Variants in PCDH7 observed in about 807,000 individuals in gnomAD.
The protein encoded by PCDH7 is protocadherin-7.
A neutral mutation model predicts 58.9 loss-of-function variants in PCDH7; 17 were observed. That is an observed-to-expected ratio of 0.29 (90% CI 0.20 to 0.43). PCDH7 has a LOEUF of 0.43. Among genes scored for constraint, PCDH7 ranks in the 20% least tolerant of loss-of-function variants. PCDH7 has a pLI of 1.00. For synonymous variants in PCDH7, 664 were observed against 616.4 expected (o/e 1.08, Z -1.14); for missense variants, 1,274 against 1,441.0 (o/e 0.88, Z 1.88).
intron 1 of PCDH7, among the ~76,000 whole-genome samples, chr4:30,896,595 T>C (rs1356718882): frequency 6.6e-6 from 1 of 152,132 alleles, no homozygotes; most frequent in African/African-American, 2.4e-5. Context: ...GTAATTTAAC[T>C]AATTAGGTAA....
chr4:30,748,388 A>G (rs1198967879), intron 1 of PCDH7, among the ~76,000 whole-genome samples: 1 of 152,168 alleles, frequency 6.6e-6, no homozygotes, highest in Non-Finnish European at 1.5e-5. Context: ...TATTTGGCTC[A>G]CAGTTCTGGT....
chr4:31,122,607 AT>A (rs989525947), intron 3 of PCDH7, among the ~76,000 whole-genome samples: 10 of 149,744 alleles, frequency 6.7e-5, no homozygotes, highest in African/African-American at 2.0e-4. Context: ...TCTTCAAATT[AT>A]TTTTTTTTTC....
At chr4:30,775,634 A>C (rs1486377257) in intron 1 of PCDH7, among the ~76,000 whole-genome samples, 1 of 152,106 alleles carries the variant, frequency 6.6e-6, no homozygotes, top group African/African-American at 2.4e-5. Context: ...TAGGACGGGC[A>C]TGGTGGCTTA....
chr4:31,071,640 G>T (rs1438512388), intron 3 of PCDH7, among the ~76,000 whole-genome samples: 2 of 151,982 alleles, frequency 1.3e-5, no homozygotes, highest in Admixed American at 6.6e-5. Context: ...AGCAGAGAAA[G>T]CTCAATTCAT....
At chr4:30,991,562 T>C (rs978564775) in intron 3 of PCDH7, among the ~76,000 whole-genome samples, 1 of 152,206 alleles carries the variant, frequency 6.6e-6, no homozygotes, top group Non-Finnish European at 1.5e-5. Flanking sequence ...ATTTGGCTAG[T>C]AGTTATCATA....
At chr4:31,146,557 T>C (rs1720691319), downstream of PCDH7, 4 of 152,092 alleles carry the variant, frequency 2.6e-5, no homozygotes. Context: ...CTGTTTGTAA[T>C]GTTAATCATT....
At chr4:31,071,173 A>T (rs895971868) in intron 3 of PCDH7, among the ~76,000 whole-genome samples, 3 of 152,054 alleles carry the variant, frequency 2.0e-5, no homozygotes, top group African/African-American at 4.8e-5. Flanking sequence ...TCTTTAATAG[A>T]TTCTTTTTTA....
chr4:30,867,690 C>T (rs370499674), intron 1 of PCDH7, among the ~76,000 whole-genome samples: 3 of 151,910 alleles, frequency 2.0e-5, no homozygotes, highest in East Asian at 1.9e-4. Context: ...CACTTCCTTG[C>T]GAGAAAGGGG....
At chr4:30,975,048 A>C (rs371330949) in intron 3 of PCDH7, among the ~76,000 whole-genome samples, 45 of 152,192 alleles carry the variant, frequency 3.0e-4, no homozygotes, top group Admixed American at 6.5e-4. Flanking sequence ...TGGAGCTGCC[A>C]GCAGAGATTT....
At chr4:30,997,048 A>T (rs1360885385) in intron 3 of PCDH7, among the ~76,000 whole-genome samples, 1 of 151,780 alleles carries the variant, frequency 6.6e-6, no homozygotes, top group Admixed American at 6.6e-5. Context: ...AAACATGGTG[A>T]TTTAAACACA....
At position 30,721,172 on chromosome 4, in the gene PCDH7, T is replaced by C. The variant is rs1031979883; in HGVS notation, c.-251T>C. On this transcript the variant is annotated 5_prime_UTR_variant, in exon 1 of 2. Transcript: ENST00000361762. This position sits in a 1 kb window ranked among gnomAD's most constrained non-coding sequence, Gnocchi z 6.7. The stretch of plus-strand genomic sequence containing the variant: ...CAGGCGAGCGGGCGATTAGCACCCA[T>C]TGCATGAATTATGAAACAATAACTT... The C allele has an allele frequency of 7.9e-6, 4 of 507,994 alleles. No homozygotes were observed. Among genetic ancestry groups the C allele is most frequent in the African/African-American group, 4.0e-5 (2 of 50,220 alleles). 31.5% of individuals were successfully genotyped at this position (507,994 alleles called of 1,614,324 possible).
At chr4:30,941,973 A>T (rs1451844478) in intron 2 of PCDH7, among the ~76,000 whole-genome samples, 1 of 151,874 alleles carries the variant, frequency 6.6e-6, no homozygotes, top group Non-Finnish European at 1.5e-5. Flanking sequence ...TAATTTATAG[A>T]ATTATTTGTA....
chr4:31,031,790 A>G (rs1754942246), intron 3 of PCDH7, among the ~76,000 whole-genome samples: 1 of 152,198 alleles, frequency 6.6e-6, no homozygotes, highest in Non-Finnish European at 1.5e-5. Flanking sequence ...GAATATTCCT[A>G]TTATCTGCCA....
At chr4:30,968,235 CA>C (rs1228674191) in intron 3 of PCDH7, among the ~76,000 whole-genome samples, 72 of 148,782 alleles carry the variant, frequency 4.8e-4, no homozygotes, top group Admixed American at 2.7e-4. Flanking sequence ...TCACCCTACA[CA>C]AATTCAAGAT....
intron 1 of PCDH7, among the ~76,000 whole-genome samples, chr4:30,826,576 G>A (rs1577955827): frequency 6.6e-6 from 1 of 151,864 alleles, no homozygotes; most frequent in African/African-American, 2.4e-5. Context: ...CTTCTTTGGG[G>A]GATTCACCCA....
At chr4:31,111,846 T>C (rs914566418) in intron 3 of PCDH7, among the ~76,000 whole-genome samples, 2 of 152,220 alleles carry the variant, frequency 1.3e-5, no homozygotes, top group Non-Finnish European at 1.5e-5. Context: ...AACTTTACTT[T>C]TCTATTAGTA....
intron 3 of PCDH7, among the ~76,000 whole-genome samples, chr4:31,025,436 GT>G (rs1560584389): frequency 6.6e-6 from 1 of 152,044 alleles, no homozygotes; most frequent in Admixed American, 6.5e-5. Context: ...GAGGATTCTC[GT>G]TTTTTCTTTT....
chr4:31,043,109 C>T (rs1756014744), intron 3 of PCDH7, among the ~76,000 whole-genome samples: 2 of 152,096 alleles, frequency 1.3e-5, no homozygotes, highest in African/African-American at 4.8e-5. Context: ...GGCAGAGCTT[C>T]TATAACCCAA....
intron 1 of PCDH7, among the ~76,000 whole-genome samples, chr4:30,778,151 A>G (rs1384333864): frequency 6.6e-6 from 1 of 152,126 alleles, no homozygotes; most frequent in Non-Finnish European, 1.5e-5. Flanking sequence ...TATACTAAGT[A>G]TCATTAAAAA....
Sources: gnomAD v4.1 joint callset for allele counts (sites outside exome capture counted in the v4.1 genomes callset) on GRCh38, gnomAD v4.1.1 for gene constraint, Gnocchi (gnomAD v3.1) non-coding constraint, MANE v1.5 for transcripts, NCBI Gene and HGNC (gene_info 2026-07-23, HGNC 2026-07-21) for gene names.